The following WWOX variants were observed in gnomAD, a reference collection of about 807,000 sequenced individuals.
WWOX encodes the protein WW domain-containing oxidoreductase.
A neutral mutation model predicts 46.2 loss-of-function variants in WWOX; 69 were observed. That is an observed-to-expected ratio of 1.49 (90% CI 1.23 to 1.82). WWOX has a LOEUF of 1.82. Among genes scored for constraint, WWOX ranks in the 40% most tolerant of loss-of-function variants. The pLI is 0.00. For synonymous variants in WWOX, 359 were observed against 202.6 expected (o/e 1.77, Z -6.56); for missense variants, 919 against 542.6 (o/e 1.69, Z -6.89).
At chr16:78,942,055 T>A (rs2045862384) in intron 8 of WWOX, among the ~76,000 whole-genome samples, 1 of 152,196 alleles carries the variant, frequency 6.6e-6, no homozygotes, top group African/African-American at 2.4e-5. Flanking sequence ...GTCTAGCCGC[T>A]GATAGGTAGT....
chr16:78,494,552 T>C (rs1047457926), intron 8 of WWOX, among the ~76,000 whole-genome samples: 3 of 152,186 alleles, frequency 2.0e-5, no homozygotes, highest in African/African-American at 7.2e-5. Flanking sequence ...TGAAATTCTG[T>C]TTTTGGCAGG....
chr16:78,946,840 C>T (rs143260435), intron 8 of WWOX, among the ~76,000 whole-genome samples: 21 of 152,044 alleles, frequency 1.4e-4, no homozygotes, highest in Admixed American at 1.4e-3. Flanking sequence ...GACAAGAGGG[C>T]GTCACGGTGT....
At chr16:78,902,367 C>G (rs754371988) in intron 8 of WWOX, among the ~76,000 whole-genome samples, 2 of 152,350 alleles carry the variant, frequency 1.3e-5, no homozygotes, top group East Asian at 3.9e-4. Flanking sequence ...AGAGTCACCG[C>G]TGATTAATTA....
At chr16:78,988,000 G>C (rs2046813980) in intron 8 of WWOX, among the ~76,000 whole-genome samples, 1 of 151,820 alleles carries the variant, frequency 6.6e-6, no homozygotes. Flanking sequence ...ATAACAAAGG[G>C]GCTATTTTAT....
intron 8 of WWOX, among the ~76,000 whole-genome samples, chr16:79,155,638 G>A (rs944657291): frequency 4.7e-5 from 7 of 147,448 alleles, no homozygotes; most frequent in East Asian, 1.9e-4. Flanking sequence ...GATACAGTGC[G>A]CATGAATTGC....
intron 8 of WWOX, among the ~76,000 whole-genome samples, chr16:78,938,305 G>T (rs1457288894): frequency 6.6e-6 from 1 of 152,206 alleles, no homozygotes; most frequent in Non-Finnish European, 1.5e-5. Flanking sequence ...TTTCCAACTA[G>T]GGTGTGGACC....
At chr16:78,154,964 G>A (rs1179731627) in intron 4 of WWOX, among the ~76,000 whole-genome samples, 1 of 152,114 alleles carries the variant, frequency 6.6e-6, no homozygotes, top group East Asian at 1.9e-4. Context: ...AGCAGCACGG[G>A]TGATGATCAT....
chr16:78,727,244 C>T (rs780145009), intron 8 of WWOX, among the ~76,000 whole-genome samples: 2 of 152,232 alleles, frequency 1.3e-5, no homozygotes, highest in East Asian at 3.9e-4. Flanking sequence ...ACTAGAAATA[C>T]AAAAATTAGC....
chr16:78,478,510 C>G (rs941986209), intron 8 of WWOX, among the ~76,000 whole-genome samples: 1 of 152,154 alleles, frequency 6.6e-6, no homozygotes, highest in Non-Finnish European at 1.5e-5. Flanking sequence ...AGGTGTAACA[C>G]ACTAAGAACA....
intron 8 of WWOX, among the ~76,000 whole-genome samples, chr16:78,939,792 C>T (rs1327504306): frequency 6.6e-6 from 1 of 152,186 alleles, no homozygotes; most frequent in Non-Finnish European, 1.5e-5. Flanking sequence ...TTCCACTTCC[C>T]CTTTTAGCCT....
Position 78,526,322 on chromosome 16 carries a change from C to A in WWOX, c.1056+93570C>A, listed in dbSNP as rs200874862. 10 of 152,410 alleles carry A rather than the reference C, an allele frequency of 6.6e-5. No individual in the cohort carries two copies. In the East Asian group the frequency reaches 1.9e-3, roughly 29 times the overall value. 9.4% of individuals were successfully genotyped at this position (152,410 alleles called of 1,614,324 possible). A position where few individuals can be genotyped will look rare whatever the true frequency, so the allele number is the denominator to read the frequency against. On this transcript the variant is annotated intron_variant, in intron 8 of 8. Coordinates refer to ENST00000566780, the MANE Select transcript of WWOX (RefSeq NM_016373.4). ...TGGTCCTGGATCCTTGCGACCTTTT[C>A]TTCCAAGAGGAAATGTGGTGCTGAG...
chr16:78,164,170 C>T lies in WWOX; in HGVS notation c.410-13C>T. On this transcript the variant is annotated splice_polypyrimidine_tract_variant and intron_variant, in intron 4 of 8. Transcript: ENST00000566780. ...GTTATGTTTTCTAACATTGACTTTCCTTTAAACCATAGGGTTCGAAACCGC... is the reference window on the plus strand; with the variant it reads ...GTTATGTTTTCTAACATTGACTTTCTTTTAAACCATAGGGTTCGAAACCGC... The T allele has an allele frequency of 6.2e-7, 1 of 1,612,286 alleles. No homozygotes were observed. Among genetic ancestry groups the T allele is most frequent in the Non-Finnish European group, 8.5e-7 (1 of 1,179,140 alleles).
intron 1 of WWOX, 197 bp downstream of exon 1, chr16:78,100,082 G>A (rs2031659035): frequency 3.6e-6 from 5 of 1,386,178 alleles, no homozygotes; most frequent in South Asian, 1.7e-5. Context: ...GGTCCAGCGG[G>A]GGTCACCTGG....
At chr16:78,584,365 A>G (rs748602285) in intron 8 of WWOX, among the ~76,000 whole-genome samples, 2 of 152,252 alleles carry the variant, frequency 1.3e-5, no homozygotes, top group Admixed American at 6.5e-5. Context: ...ACTTGAATCC[A>G]TAACCCCAAG....
At chr16:78,602,263 C>T (rs1001158141) in intron 8 of WWOX, among the ~76,000 whole-genome samples, 15 of 152,078 alleles carry the variant, frequency 9.9e-5, no homozygotes, top group African/African-American at 3.6e-4. Flanking sequence ...GACAGAGTCT[C>T]GATCTGACAG....
intron 8 of WWOX, among the ~76,000 whole-genome samples, chr16:78,592,802 G>A (rs558780792): frequency 2.0e-5 from 3 of 152,274 alleles, no homozygotes; most frequent in South Asian, 2.1e-4. Context: ...TCGATGATCC[G>A]GGCTCCTTTT....
At chr16:78,866,275 A>T (rs1425404262) in intron 8 of WWOX, among the ~76,000 whole-genome samples, 1 of 151,618 alleles carries the variant, frequency 6.6e-6, no homozygotes, top group African/African-American at 2.4e-5. Context: ...TGCCACCAGG[A>T]TTTTCTTGGA....
At chr16:79,050,028 G>A (rs1173904546) in intron 8 of WWOX, among the ~76,000 whole-genome samples, 1 of 152,106 alleles carries the variant, frequency 6.6e-6, no homozygotes, top group Non-Finnish European at 1.5e-5. Context: ...CACCCTGGAG[G>A]TCTGGAATGG....
At chr16:78,731,862 T>TCTG (rs1555525173) in intron 8 of WWOX, among the ~76,000 whole-genome samples, 1 of 137,818 alleles carries the variant, frequency 7.3e-6, no homozygotes, top group African/African-American at 3.1e-5. Context: ...TTTTTTTTTT[T>TCTG]TGAGAGACAG....
Sources: gnomAD v4.1 joint callset for allele counts (sites outside exome capture counted in the v4.1 genomes callset) on GRCh38, gnomAD v4.1.1 for gene constraint, MANE v1.5 for transcripts, NCBI Gene and HGNC (gene_info 2026-07-23, HGNC 2026-07-21) for gene names.